The following METTL15 variants were observed in gnomAD, a reference collection of about 807,000 sequenced individuals.
METTL15 encodes methyltransferase 15, mitochondrial 12S rRNA N4-cytidine, also known as 12S rRNA N(4)-cytidine methyltransferase METTL15.
A neutral mutation model predicts 38.3 loss-of-function variants in METTL15; 34 were observed. That is an observed-to-expected ratio of 0.89 (90% CI 0.68 to 1.18). The LOEUF is 1.18. Ranked by LOEUF, METTL15 falls within the 50% of genes most tolerant of loss-of-function variation. The probability of loss-of-function intolerance (pLI) is 0.00; values close to 1 mark genes in which losing one functional copy is unlikely to be tolerated. For missense variants in METTL15, 438 were observed against 498.4 expected, an observed-to-expected ratio of 0.88 and a Z score of 1.15; for synonymous variants, 162 against 170.9, an observed-to-expected ratio of 0.95 and a Z score of 0.41.
At chr11:28,224,764 G>T (rs923335641) in intron 4 of METTL15, among the ~76,000 whole-genome samples, 1 of 151,664 alleles carries the variant, frequency 6.6e-6, no homozygotes, top group East Asian at 1.9e-4. Context: ...TATCTGATGC[G>T]TTTTGCATAA....
At chr11:28,498,481 C>G (rs1171896059) in intron 6 of METTL15, among the ~76,000 whole-genome samples, 1 of 152,138 alleles carries the variant, frequency 6.6e-6, no homozygotes, top group Non-Finnish European at 1.5e-5. Flanking sequence ...ACTCAGGGAT[C>G]TAACAGAGAA....
intron 3 of METTL15, 73 bp downstream of exon 3, chr11:28,113,677 A>G: frequency 6.6e-7 from 1 of 1,512,398 alleles, no homozygotes; most frequent in East Asian, 2.3e-5. Context: ...TCATTATTTT[A>G]AGGTATACAA....
At chr11:28,325,813 T>C (rs977264552) in intron 6 of METTL15, among the ~76,000 whole-genome samples, 4 of 152,044 alleles carry the variant, frequency 2.6e-5, no homozygotes, top group Non-Finnish European at 4.4e-5. Flanking sequence ...GATATAAGAG[T>C]GAACGCGAAA....
At chr11:28,472,338 A>G (rs1361527123) in intron 6 of METTL15, among the ~76,000 whole-genome samples, 2 of 152,150 alleles carry the variant, frequency 1.3e-5, no homozygotes, top group African/African-American at 4.8e-5. Context: ...TCAATCTCCT[A>G]ATACAACTGT....
intron 3 of METTL15, among the ~76,000 whole-genome samples, chr11:28,130,590 A>G (rs918887538): frequency 1.3e-5 from 2 of 149,942 alleles, no homozygotes; most frequent in Non-Finnish European, 3.0e-5. Flanking sequence ...GCTGATGGAA[A>G]GGTCTAGCAA....
At chr11:28,313,924 A>T (rs1279459032) in intron 6 of METTL15, among the ~76,000 whole-genome samples, 2 of 152,166 alleles carry the variant, frequency 1.3e-5, no homozygotes, top group Non-Finnish European at 2.9e-5. Context: ...AGCCCTTGAA[A>T]CATGCTTTTC....
At position 28,332,540 on chromosome 11, in the gene METTL15, T is replaced by G. The variant is rs958036718; in HGVS notation, c.*1699T>G. 6.7e-6 allele frequency: 1 copy of G among 150,338 alleles called. No individual in the cohort carries two copies. Among genetic ancestry groups the G allele is most frequent in the Non-Finnish European group, 1.5e-5 (1 of 67,876 alleles). The allele number at this position is 150,338 out of a possible 1,614,324, so 9.3% of individuals were successfully genotyped here. A position where few individuals can be genotyped will look rare whatever the true frequency, so the allele number is the denominator to read the frequency against. ...GGTGTCCTCTCCAAAATTCATGTAC[T>G]TCCTGGAGCCTCAGTATGTGACCTT... On this transcript the variant is annotated 3_prime_UTR_variant, in exon 7 of 7. Transcript: ENST00000407364.
At chr11:28,281,231 C>T (rs1856042245) in intron 4 of METTL15, among the ~76,000 whole-genome samples, 1 of 152,174 alleles carries the variant, frequency 6.6e-6, no homozygotes, top group Non-Finnish European at 1.5e-5. Context: ...GTGTAATAAT[C>T]TATTTTTTGT....
At chr11:28,218,033 C>T (rs192603640) in intron 4 of METTL15, among the ~76,000 whole-genome samples, 5 of 152,136 alleles carry the variant, frequency 3.3e-5, no homozygotes, top group South Asian at 2.1e-4. Context: ...CGTGACTTGG[C>T]GATGTGGGCT....
intron 4 of METTL15, among the ~76,000 whole-genome samples, chr11:28,220,128 G>T (rs7121923): frequency 0.46 from 70,464 of 151,952 alleles, 17,872 homozygotes; most frequent in Admixed American, 0.56. Flanking sequence ...TTAACTTTCT[G>T]TCTTGTTGAT....
chr11:28,168,975 G>A (rs1231522388), intron 3 of METTL15, among the ~76,000 whole-genome samples: 2 of 152,046 alleles, frequency 1.3e-5, no homozygotes, highest in Non-Finnish European at 2.9e-5. Flanking sequence ...GTAGGAATTT[G>A]GACTTTAACC....
intron 6 of METTL15, among the ~76,000 whole-genome samples, chr11:28,472,574 A>T (rs1416172932): frequency 6.6e-6 from 1 of 152,188 alleles, no homozygotes; most frequent in African/African-American, 2.4e-5. Context: ...CAAGAATAAA[A>T]GAATATGTGG....
At chr11:28,349,342 G>A (rs532519326) in intron 3 of METTL15, among the ~76,000 whole-genome samples, 26 of 152,172 alleles carry the variant, frequency 1.7e-4, no homozygotes, top group Non-Finnish European at 1.5e-5. Context: ...AGCCTCCTCT[G>A]CACAGGTCTG....
At chr11:28,435,638 G>A (rs547994186) in intron 6 of METTL15, among the ~76,000 whole-genome samples, 2 of 152,294 alleles carry the variant, frequency 1.3e-5, no homozygotes, top group South Asian at 4.1e-4. Context: ...CCTCTATAGA[G>A]TCTCAATTCT....
At chr11:28,207,320 G>T (rs369603892) in intron 3 of METTL15, among the ~76,000 whole-genome samples, 2 of 152,012 alleles carry the variant, frequency 1.3e-5, no homozygotes, top group Admixed American at 1.3e-4. Context: ...TAGCATGAAG[G>T]GCTGTTGAAT....
At chr11:28,327,481 G>C (rs1032730960) in intron 6 of METTL15, 2 of 152,174 alleles carry the variant, frequency 1.3e-5, no homozygotes, top group Non-Finnish European at 2.9e-5. Context: ...ATATACTAGG[G>C]GATATACTTA....
intron 3 of METTL15, among the ~76,000 whole-genome samples, chr11:28,118,521 C>T (rs1163588946): frequency 9.3e-5 from 14 of 151,070 alleles, no homozygotes; most frequent in African/African-American, 3.4e-4. Flanking sequence ...ATATTTTAGT[C>T]TGGGCTAATA....
At chr11:28,398,256 C>G (rs377275551) in intron 5 of METTL15, among the ~76,000 whole-genome samples, 16 of 151,944 alleles carry the variant, frequency 1.1e-4, no homozygotes, top group African/African-American at 3.1e-4. Flanking sequence ...ATAAATGAAA[C>G]AAAAATTTGG....
intron 3 of METTL15, chr11:28,145,616 C>G (rs147977801): frequency 6.6e-6 from 1 of 152,010 alleles, no homozygotes; most frequent in Non-Finnish European, 1.5e-5. Flanking sequence ...GTCTTTTGCT[C>G]CTCATTTCTG....
Sources: allele counts gnomAD v4.1 joint callset (sites outside exome capture counted in the v4.1 genomes callset), GRCh38; gene constraint gnomAD v4.1.1; transcripts MANE v1.5; gene names NCBI Gene and HGNC (gene_info 2026-07-23, HGNC 2026-07-21).